HLA-DRA: variants seen among roughly 807,000 people sequenced by gnomAD.
The protein encoded by HLA-DRA is HLA class II histocompatibility antigen, DR alpha chain.
In HLA-DRA, 8 loss-of-function variants were observed where a neutral mutation model predicts 22.1. The observed-to-expected ratio is 0.36, with a 90% confidence interval of 0.21 to 0.65. The LOEUF is 0.65. Among genes scored for constraint, HLA-DRA ranks in the 30% least tolerant of loss-of-function variants. HLA-DRA has a pLI of 0.63. For synonymous variants in HLA-DRA, 101 were observed against 117.1 expected (o/e 0.86, Z 0.89); for missense variants, 248 against 321.3 (o/e 0.77, Z 1.74).
chr6:32,443,686 C>G, intron 3 of HLA-DRA, 70 bp from the exon 4 acceptor site: 1 of 1,389,418 alleles, frequency 7.2e-7, no homozygotes, highest in Non-Finnish European at 9.8e-7. Flanking sequence ...TATTAAGAAC[C>G]CTACATTTGA....
intron 3 of HLA-DRA, 135 bp downstream of exon 3, chr6:32,443,601 C>CT (rs1291393061): frequency 3.5e-6 from 4 of 1,149,226 alleles, no homozygotes; most frequent in Non-Finnish European, 5.0e-6. Flanking sequence ...CAGCTTCCTC[C>CT]TTTTTTTAAT....
chr6:32,441,384 T>C (rs1233711160), intron 1 of HLA-DRA, among the ~76,000 whole-genome samples: 3 of 150,258 alleles, frequency 2.0e-5, no homozygotes, highest in Admixed American at 1.3e-4. Flanking sequence ...CAAAACAAAA[T>C]ATCTCACCTT....
intron 1 of HLA-DRA, among the ~76,000 whole-genome samples, 182 bp downstream of exon 1, chr6:32,440,214 A>C (rs1358192504): frequency 1.4e-5 from 2 of 147,412 alleles, no homozygotes; most frequent in South Asian, 2.2e-4. Flanking sequence ...AAACTGAAGT[A>C]AGTCAAATTT....
At chr6:32,440,753 T>C (rs1325206328) in intron 1 of HLA-DRA, among the ~76,000 whole-genome samples, 1 of 152,200 alleles carries the variant, frequency 6.6e-6, no homozygotes, top group Non-Finnish European at 1.5e-5. Flanking sequence ...TATTATTCTC[T>C]CTCATCTCCA....
intron 1 of HLA-DRA, among the ~76,000 whole-genome samples, chr6:32,440,678 T>C (rs1762562259): frequency 6.6e-6 from 1 of 152,210 alleles, no homozygotes; most frequent in African/African-American, 2.4e-5. Flanking sequence ...GCAGATCTTA[T>C]ATCATGTTAA....
At chr6:32,444,156 T>C (rs1037792573) in intron 4 of HLA-DRA, among the ~76,000 whole-genome samples, 1 of 152,092 alleles carries the variant, frequency 6.6e-6, no homozygotes, top group African/African-American at 2.4e-5. Context: ...TTAGAAATCA[T>C]CTCCAGTACC....
Position 32,443,852 on chromosome 6 carries a change from T to A in HLA-DRA, c.707T>A (p.Ile236Asn). 6.2e-7 allele frequency: 1 copy of A among 1,611,640 alleles called. No homozygotes were observed. The highest frequency in any genetic ancestry group is 8.5e-7 in the Non-Finnish European group (1 of 1,179,458). Residue 236 changes from isoleucine to asparagine, a missense_variant, in exon 4 of 5, where the codon ATC becomes AAC. Ile to Asn is a moderately radical substitution (Grantham distance 149, BLOSUM62 -3). Coordinates refer to ENST00000395388, the MANE Select transcript of HLA-DRA (RefSeq NM_019111.5). ...VGLVGIIIGT[I>N]FIIKGLRKSN... ...CTGGTGGGCATCATTATTGGGACCA[T>A]CTTCATCATCAAGGGATTGCGCAAA... is the stretch of plus-strand genomic sequence containing the variant.
chr6:32,440,129 T>A, intron 1 of HLA-DRA, 97 bp downstream of exon 1: 1 of 1,049,002 alleles, frequency 9.5e-7, no homozygotes. Context: ...AGTGAAAGAA[T>A]AGTGTGACAG....
At chr6:32,440,520 G>A (rs1762552743) in intron 1 of HLA-DRA, among the ~76,000 whole-genome samples, 1 of 152,004 alleles carries the variant, frequency 6.6e-6, no homozygotes, top group Non-Finnish European at 1.5e-5. Context: ...TATATATTGA[G>A]CACATATATT....
chr6:32,443,433 T>C lies in HLA-DRA; in HGVS notation c.577T>C (p.Trp193Arg), dbSNP rs199723815. The part of the protein sequence containing the change: ...EDVYDCRVEH[W>R]GLDEPLLKHW... ...CGTTTACGACTGCAGGGTGGAGCAC[T>C]GGGGCTTGGATGAGCCTCTTCTCAA... Residue 193 changes from tryptophan to arginine, a missense_variant, in exon 3 of 5, where the codon TGG becomes CGG. Trp to Arg is a moderately radical substitution (Grantham distance 101, BLOSUM62 -3). Transcript: ENST00000395388. 2.7e-4 allele frequency: 437 copies of C among 1,613,056 alleles called. 5 individuals are homozygous for C. In the East Asian group the frequency reaches 8.5e-3, roughly 31 times the overall value.
chr6:32,442,987 C>G (rs542484389), intron 2 of HLA-DRA, among the ~76,000 whole-genome samples, 198 bp from the exon 3 acceptor site: 2 of 152,216 alleles, frequency 1.3e-5, no homozygotes, highest in African/African-American at 4.8e-5. Context: ...TCAATATTGG[C>G]TCAATTTCTT....
intron 2 of HLA-DRA, 118 bp downstream of exon 2, chr6:32,442,811 AT>A: frequency 8.1e-7 from 1 of 1,234,988 alleles, no homozygotes; most frequent in East Asian, 2.3e-5. Flanking sequence ...TAACCTTGCC[AT>A]TAACAAGCCC....
At chr6:32,441,357 A>G (rs763012494) in intron 1 of HLA-DRA, among the ~76,000 whole-genome samples, 3 of 152,206 alleles carry the variant, frequency 2.0e-5, no homozygotes, top group Non-Finnish European at 4.4e-5. Context: ...ACTCCGTCTC[A>G]AACAACCAAA....
At position 32,443,128 on chromosome 6, in the gene HLA-DRA, G is replaced by T. The variant is rs1762720269; in HGVS notation, c.329-57G>T. On this transcript the variant is annotated intron_variant, in intron 2 of 4. Coordinates refer to ENST00000395388, the MANE Select transcript of HLA-DRA (RefSeq NM_019111.5). ...ACCACAATTGAGCATGGGAGGGAGA[G>T]GGGTGAGCCTAAGCAGTGATGGCTG... 5 of 1,457,058 alleles carry T rather than the reference G, an allele frequency of 3.4e-6. No individual in the cohort carries two copies. In the East Asian group the frequency reaches 1.1e-4, roughly 33 times the overall value. 90.3% of individuals were successfully genotyped at this position (1,457,058 alleles called of 1,614,324 possible). A position where few individuals can be genotyped will look rare whatever the true frequency, so the allele number is the denominator to read the frequency against.
intron 1 of HLA-DRA, among the ~76,000 whole-genome samples, chr6:32,441,491 A>C (rs1762617291): frequency 6.6e-6 from 1 of 152,238 alleles, no homozygotes; most frequent in Non-Finnish European, 1.5e-5. Context: ...TTTCATGTTC[A>C]TTATTCCCTT....
At chr6:32,442,782 G>T (rs1762699175) in intron 2 of HLA-DRA, 89 bp downstream of exon 2, 1 of 1,517,150 alleles carries the variant, frequency 6.6e-7, no homozygotes, top group Admixed American at 1.8e-5. Flanking sequence ...TATTGTAACT[G>T]ATTTTCCCTC....
At chr6:32,441,564 A>C (rs1220744850) in intron 1 of HLA-DRA, among the ~76,000 whole-genome samples, 11 of 152,188 alleles carry the variant, frequency 7.2e-5, no homozygotes. Flanking sequence ...GTCCCAATTT[A>C]AGGAGCATTA....
In HLA-DRA at chr6:32,443,839, A is replaced by C; in HGVS notation, c.694A>C (p.Ile232Leu). The change falls in exon 4 of 5, where the codon ATT (isoleucine) becomes CTT (leucine). Residue 232 changes from isoleucine (I) to leucine (L), a missense_variant. Coordinates refer to ENST00000395388, the MANE Select transcript of HLA-DRA (RefSeq NM_019111.5). ...LGLTVGLVGI[I>L]IGTIFIIKGL... ...CCTGACTGTGGGTCTGGTGGGCATC[A>C]TTATTGGGACCATCTTCATCATCAA... is the stretch of plus-strand genomic sequence containing the variant. 1 of 1,612,412 alleles carries C rather than the reference A, an allele frequency of 6.2e-7. No homozygotes were observed. Among genetic ancestry groups the C allele is most frequent in the Non-Finnish European group, 8.5e-7 (1 of 1,179,722 alleles).
Position 32,439,975 on chromosome 6 carries a change from C to T in HLA-DRA, c.25C>T (p.Leu9=), listed in dbSNP as rs1762510884. 2 of 1,613,946 alleles carry T rather than the reference C, an allele frequency of 1.2e-6. No homozygotes were observed. The highest frequency in any genetic ancestry group is 1.3e-5 in the African/African-American group (1 of 74,864). The stretch of plus-strand genomic sequence containing the variant: ...AATGGCCATAAGTGGAGTCCCTGTG[C>T]TAGGATTTTTCATCATAGCTGTGCT... MAISGVPV[L]GFFIIAVLMS... The change falls in exon 1 of 5, where the codon CTA becomes TTA. Residue 9 remains leucine (L), a synonymous_variant. Coordinates refer to ENST00000395388, the MANE Select transcript of HLA-DRA (RefSeq NM_019111.5).
Sources: gnomAD v4.1 joint callset for allele counts (sites outside exome capture counted in the v4.1 genomes callset) on GRCh38, gnomAD v4.1.1 for gene constraint, MANE v1.5 for transcripts, NCBI Gene and HGNC (gene_info 2026-07-23, HGNC 2026-07-21) for gene names.